RDX: variants seen among roughly 807,000 people sequenced by gnomAD.
RDX encodes deafness, autosomal recessive 24.
Under a neutral mutation model 83.7 loss-of-function variants are expected in RDX, and 32 were observed. The observed-to-expected ratio is 0.38, with a 90% CI of 0.29 to 0.51. The LOEUF is 0.51. Among genes scored for constraint, RDX ranks in the 20% least tolerant of loss-of-function variants. RDX has a pLI of 0.87. For missense variants in RDX, 600 were observed against 689.9 expected, an observed-to-expected ratio of 0.87 and a Z score of 1.46; for synonymous variants, 229 against 222.7, an observed-to-expected ratio of 1.03 and a Z score of -0.25.
chr11:110,295,252 CG>C (rs1391811961), intron 1 of RDX, among the ~76,000 whole-genome samples: 1 of 143,600 alleles, frequency 7.0e-6, no homozygotes, highest in African/African-American at 2.6e-5. Context: ...GCAACATGAA[CG>C]GGGTAATTGT....
In RDX at chr11:110,279,754, TTTCTG is replaced by T; in HGVS notation, c.-64-3_-63del. 1 of 1,033,718 alleles carries T rather than the reference TTTCTG, an allele frequency of 9.7e-7. No individual in the cohort carries two copies. The allele number at this position is 1,033,718 out of a possible 1,614,324, so 64.0% of individuals were successfully genotyped here. A position where few individuals can be genotyped will look rare whatever the true frequency, so the allele number is the denominator to read the frequency against. On this transcript the variant is annotated splice_acceptor_variant and splice_polypyrimidine_tract_variant and 5_prime_UTR_variant and intron_variant, in exon 2 of 14. Coordinates refer to ENST00000645495, the MANE Select transcript of RDX (RefSeq NM_002906.4). LOFTEE classifies it low-confidence loss of function (5UTR_SPLICE). ...CCACTTCAATGAATTCTGTTATCAC[TTTCTG>T]TTAAAAAAAAAAAAGCATAATCTAT... is the stretch of plus-strand genomic sequence containing the variant.
chr11:110,209,260 C>A (rs1416821395), intron 14 of RDX, among the ~76,000 whole-genome samples: 1 of 151,858 alleles, frequency 6.6e-6, no homozygotes, highest in Non-Finnish European at 1.5e-5. Context: ...CACTCCCACC[C>A]GAATACTGCG....
At chr11:110,194,357 C>T (rs552648380) in intron 15 of RDX, among the ~76,000 whole-genome samples, 1 of 152,080 alleles carries the variant, frequency 6.6e-6, no homozygotes, top group South Asian at 2.1e-4. Context: ...GCAGCTGGGA[C>T]TACAGGCACC....
chr11:110,290,813 G>A (rs559294867), intron 1 of RDX, among the ~76,000 whole-genome samples: 2 of 145,704 alleles, frequency 1.4e-5, no homozygotes, highest in Non-Finnish European at 3.0e-5. Flanking sequence ...AGTCAGCTAC[G>A]ATGTGTTCAA....
chr11:110,233,984 T>G (rs2134303268), intron 12 of RDX, among the ~76,000 whole-genome samples: 1 of 152,328 alleles, frequency 6.6e-6, no homozygotes. Context: ...TGATACAACC[T>G]GAAATATCTA....
In RDX at chr11:110,229,613, C is replaced by T. The variant is rs756622618; in HGVS notation, c.*2256G>A. Reference sequence around the variant, plus strand: ...TACATTGACTATATGAACATGTGCTCGCGACTGCTAATAAGTTATAATTGG... The same window carrying T: ...TACATTGACTATATGAACATGTGCTTGCGACTGCTAATAAGTTATAATTGG... On this transcript the variant is annotated 3_prime_UTR_variant, in exon 14 of 14. Transcript: ENST00000645495. The T allele has an allele frequency of 3.9e-5, 6 of 152,396 alleles. No individual in the cohort carries two copies. The highest frequency in any genetic ancestry group is 1.4e-4 in the African/African-American group (6 of 41,420). 9.4% of individuals were successfully genotyped at this position (152,396 alleles called of 1,614,324 possible).
At chr11:110,208,660 TATTA>T in intron 14 of RDX, among the ~76,000 whole-genome samples, 1 of 152,296 alleles carries the variant, frequency 6.6e-6, no homozygotes, top group Middle Eastern at 3.4e-3. Context: ...AACAATCATT[TATTA>T]ATTTAAAAAA....
chr11:110,277,979 A>G (rs920685602), intron 2 of RDX, among the ~76,000 whole-genome samples: 2 of 152,178 alleles, frequency 1.3e-5, no homozygotes, highest in African/African-American at 4.8e-5. Context: ...GTAAATTGTG[A>G]GACAACAGTC....
At chr11:110,184,299 A>G (rs1224501404) in intron 15 of RDX, among the ~76,000 whole-genome samples, 2 of 152,194 alleles carry the variant, frequency 1.3e-5, no homozygotes, top group African/African-American at 2.4e-5. Flanking sequence ...ATATTGGCAG[A>G]AGAGACAGGT....
At chr11:110,251,684 A>G (rs1591152521) in intron 9 of RDX, among the ~76,000 whole-genome samples, 1 of 152,206 alleles carries the variant, frequency 6.6e-6, no homozygotes, top group African/African-American at 2.4e-5. Context: ...TCACATGTGG[A>G]AACAATTTTA....
chr11:110,272,928 T>C (rs1434512391), intron 2 of RDX: 2 of 468,554 alleles, frequency 4.3e-6, no homozygotes, highest in South Asian at 1.5e-5. Context: ...CACGTGGATA[T>C]TAAAAGGCAG....
At chr11:110,195,721 T>C (rs1863192286) in intron 15 of RDX, 1 of 152,208 alleles carries the variant, frequency 6.6e-6, no homozygotes, top group Admixed American at 6.5e-5. Flanking sequence ...CAAATATAAG[T>C]CACATACATT....
intron 1 of RDX, among the ~76,000 whole-genome samples, chr11:110,282,880 G>A (rs1011524353): frequency 2.6e-5 from 4 of 152,150 alleles, no homozygotes; most frequent in Non-Finnish European, 5.9e-5. Context: ...AAGAGGCTAA[G>A]GCAGGAAGAT....
chr11:110,292,460 A>T (rs1565339870), intron 1 of RDX, among the ~76,000 whole-genome samples: 1 of 151,762 alleles, frequency 6.6e-6, no homozygotes, highest in Non-Finnish European at 1.5e-5. Context: ...ACAGAGGAAG[A>T]CTCTGTTTTC....
At chr11:110,294,640 G>GA (rs1466257315) in intron 1 of RDX, among the ~76,000 whole-genome samples, 1 of 151,470 alleles carries the variant, frequency 6.6e-6, no homozygotes. Flanking sequence ...GCAAGGGAGG[G>GA]AAACAACAGC....
At chr11:110,191,494 G>C (rs56105702) in intron 15 of RDX, among the ~76,000 whole-genome samples, 34,506 of 152,152 alleles carry the variant, frequency 0.23, 4,648 homozygotes, top group Middle Eastern at 0.31. Flanking sequence ...TTCCCCTTAC[G>C]AACAGGAACA....
At chr11:110,195,703 A>G (rs1863191800) in intron 15 of RDX, 1 of 152,234 alleles carries the variant, frequency 6.6e-6, no homozygotes. Flanking sequence ...TTGCTCTTGG[A>G]TTGAAGCCAA....
chr11:110,236,795 T>C (rs1256290381), intron 11 of RDX: 1 of 152,698 alleles, frequency 6.5e-6, no homozygotes, highest in East Asian at 1.9e-4. Flanking sequence ...TAATTTTGTA[T>C]TTTTAGTAGA....
In RDX at chr11:110,268,308, CG is replaced by C. The variant is rs113668835; in HGVS notation, c.97-3435del. Among the ~76,000 whole-genome samples, 211 of 116,268 alleles carry C rather than the reference CG, an allele frequency of 1.8e-3. 1 individual carries two copies. The highest frequency in any genetic ancestry group is 3.2e-3 in the African/African-American group (93 of 29,354). 76.3% of individuals were successfully genotyped at this position (116,268 alleles called of 152,430 possible). ...TGGGTGACAGAGTAAGACTCTGTTT[CG>C]GGGAAAAAAAAAAAAAAAAGCAAAA... On this transcript the variant is annotated intron_variant, in intron 3 of 13. Coordinates refer to ENST00000645495, the MANE Select transcript of RDX (RefSeq NM_002906.4).
Sources: allele counts gnomAD v4.1 joint callset (sites outside exome capture counted in the v4.1 genomes callset), GRCh38; gene constraint gnomAD v4.1.1; transcripts MANE v1.5; gene names NCBI Gene and HGNC (gene_info 2026-07-23, HGNC 2026-07-21).